Variants in MICU2 observed in about 807,000 individuals in gnomAD.
The protein encoded by MICU2 is calcium uptake protein 2, mitochondrial.
MICU2 carries 64 observed loss-of-function variants against 60.4 expected under a neutral mutation model. That is an observed-to-expected ratio of 1.06 (90% CI 0.87 to 1.31). The LOEUF (loss-of-function observed/expected upper bound fraction) is 1.31, where lower values mean the gene tolerates loss of function less well. Among genes scored for constraint, MICU2 ranks in the 50% most tolerant of loss-of-function variants. MICU2 has a pLI of 0.00. For synonymous variants in MICU2, 201 were observed against 175.0 expected (o/e 1.15, Z -1.17); for missense variants, 569 against 531.0 (o/e 1.07, Z -0.70).
At chr13:21,592,899 C>A (rs1019883322) in intron 1 of MICU2, among the ~76,000 whole-genome samples, 2 of 152,198 alleles carry the variant, frequency 1.3e-5, no homozygotes, top group African/African-American at 4.8e-5. Context: ...GACAAACCCA[C>A]AGCCAATATC....
chr13:21,603,810 C>T lies in MICU2; in HGVS notation c.210+129G>A, dbSNP rs897925870. 13 of 1,069,786 alleles carry T rather than the reference C, an allele frequency of 1.2e-5. No individual in the cohort carries two copies. In the Admixed American group the frequency reaches 1.6e-4, roughly 13 times the overall value. The allele number at this position is 1,069,786 out of a possible 1,614,324, so 66.3% of individuals were successfully genotyped here. A position where few individuals can be genotyped will look rare whatever the true frequency, so the allele number is the denominator to read the frequency against. ...AGCGAGTCCCACCAGTCGCAGGGCG[C>T]TCCGATCCGCAGCGGCACCTCCACC... On this transcript the variant is annotated intron_variant, in intron 1 of 11. Coordinates refer to ENST00000382374, the MANE Select transcript of MICU2 (RefSeq NM_152726.3).
At chr13:21,502,150 C>CT (rs869252511) in intron 9 of MICU2, among the ~76,000 whole-genome samples, 34 of 139,968 alleles carry the variant, frequency 2.4e-4, no homozygotes, top group African/African-American at 4.4e-4. Context: ...AAGTTTTCTT[C>CT]TTTTTTTTTG....
At position 21,509,698 on chromosome 13, in the gene MICU2, C is replaced by T. The variant is rs112987452; in HGVS notation, c.761+306G>A. Among the ~76,000 whole-genome samples, 1,381 of 152,296 alleles carry T rather than the reference C, an allele frequency of 9.1e-3. 20 individuals are homozygous for T. Among genetic ancestry groups the T allele is most frequent in the African/African-American group, 0.032 (1,328 of 41,572 alleles). ...TGTTTTAAGTTGGGTTGGTTTGTTT[C>T]GCCTAAAGAACAACTGACGCTAGGC... On this transcript the variant is annotated intron_variant, in intron 8 of 11. Transcript: ENST00000382374.
chr13:21,517,467 A>C (rs528326786), intron 6 of MICU2, among the ~76,000 whole-genome samples: 15 of 152,314 alleles, frequency 9.8e-5, no homozygotes, highest in Non-Finnish European at 1.8e-4. Context: ...TCTTTGAAGA[A>C]AATCTCAAAT....
intron 2 of MICU2, among the ~76,000 whole-genome samples, chr13:21,543,214 G>C (rs914812609): frequency 1.3e-5 from 2 of 152,118 alleles, no homozygotes; most frequent in Non-Finnish European, 2.9e-5. Flanking sequence ...AGTGGTAAAT[G>C]CTACAGCTAA....
intron 3 of MICU2, 23 bp from the exon 4 acceptor site, chr13:21,539,400 T>C (rs1194326646): frequency 2.5e-6 from 4 of 1,597,380 alleles, no homozygotes; most frequent in Non-Finnish European, 3.4e-6. Flanking sequence ...ATATTAAAAT[T>C]AAACTTCTAA....
At position 21,541,399 on chromosome 13, in the gene MICU2, T is replaced by C. The variant is rs185729508; in HGVS notation, c.359-1711A>G. ...ATACCACAATAAAGTCATGAATTGA[T>C]TGAATAATATAACACCAGAATTACA... On this transcript the variant is annotated intron_variant, in intron 2 of 11. Transcript: ENST00000382374. Among the ~76,000 whole-genome samples, 142 of 152,304 alleles carry C rather than the reference T, an allele frequency of 9.3e-4. 1 individual carries two copies. Among genetic ancestry groups the C allele is most frequent in the African/African-American group, 3.2e-3 (132 of 41,586 alleles).
chr13:21,503,584 G>A (rs542076226), intron 8 of MICU2, among the ~76,000 whole-genome samples: 9 of 152,240 alleles, frequency 5.9e-5, no homozygotes, highest in African/African-American at 1.7e-4. Context: ...GGCATCAAAA[G>A]CTTAGCTCTA....
At chr13:21,582,016 C>A (rs1278397162) in intron 1 of MICU2, among the ~76,000 whole-genome samples, 1 of 152,210 alleles carries the variant, frequency 6.6e-6, no homozygotes, top group Non-Finnish European at 1.5e-5. Context: ...GATGTGGCAA[C>A]AAAGCCACTG....
intron 1 of MICU2, among the ~76,000 whole-genome samples, chr13:21,591,623 G>C (rs1888586594): frequency 6.6e-6 from 1 of 152,068 alleles, no homozygotes; most frequent in Non-Finnish European, 1.5e-5. Context: ...TCACATAATT[G>C]GAAGTAAAAC....
Position 21,503,104 on chromosome 13 carries a change from G to A in MICU2, c.762-7C>T. On this transcript the variant is annotated splice_region_variant and splice_polypyrimidine_tract_variant and intron_variant, in intron 8 of 11. Transcript: ENST00000382374. ...TTGTAAATTTTCCATAAATCTGAAT[G>A]TTAAAATACAAAATTAGTAAGGTAA... 2 of 1,577,050 alleles carry A rather than the reference G, an allele frequency of 1.3e-6. No homozygotes were observed. The highest frequency in any genetic ancestry group is 1.7e-4 in the Middle Eastern group (1 of 5,926).
intron 11 of MICU2, among the ~76,000 whole-genome samples, chr13:21,494,651 A>G (rs913509596): frequency 3.3e-5 from 5 of 152,182 alleles, no homozygotes; most frequent in African/African-American, 7.2e-5. Flanking sequence ...GAATTTACAT[A>G]TATCTAATTA....
intron 2 of MICU2, among the ~76,000 whole-genome samples, chr13:21,558,581 G>T (rs1169526069): frequency 6.6e-6 from 1 of 152,090 alleles, no homozygotes; most frequent in Non-Finnish European, 1.5e-5. Context: ...GGTTTCTTTG[G>T]GAAGAGATAA....
chr13:21,514,290 C>A lies in MICU2; in HGVS notation c.663+63G>T, dbSNP rs1352169611. 13 of 1,373,810 alleles carry A rather than the reference C, an allele frequency of 9.5e-6. No individual in the cohort carries two copies. In the Admixed American group the frequency reaches 9.7e-5, roughly 10 times the overall value. The allele number at this position is 1,373,810 out of a possible 1,614,324, so 85.1% of individuals were successfully genotyped here. On this transcript the variant is annotated intron_variant, in intron 7 of 11. Coordinates refer to ENST00000382374, the MANE Select transcript of MICU2 (RefSeq NM_152726.3). ...ATCTATTGGTAACTATCGGGAATAT[C>A]TGAACAAACAAAATAGAGTAGCTAT...
In MICU2 at chr13:21,604,045, A is replaced by G. The variant is rs1327913396; in HGVS notation, c.104T>C (p.Leu35Ser). The G allele has an allele frequency of 1.2e-6, 2 of 1,606,392 alleles. No homozygotes were observed. Among genetic ancestry groups the G allele is most frequent in the Non-Finnish European group, 1.7e-6 (2 of 1,177,412 alleles). ...GGCCGCGCCGGCCACTGCCGCTGCC[A>G]AGGGGCCGGGACTCCGCACAGCCTG... ...SRQAVRSPGP[L>S]AAAVAGAALA... The change falls in exon 1 of 12, where the codon TTG becomes TCG. Residue 35 changes from leucine to serine, a missense_variant. Transcript: ENST00000382374.
chr13:21,497,052 ACT>A (rs1043965513), intron 9 of MICU2, among the ~76,000 whole-genome samples: 4 of 151,732 alleles, frequency 2.6e-5, no homozygotes, highest in Non-Finnish European at 4.4e-5. Flanking sequence ...ACAGAGCGAG[ACT>A]CTGTCTCAAA....
chr13:21,591,789 A>C (rs892148887), intron 1 of MICU2, among the ~76,000 whole-genome samples: 1 of 152,194 alleles, frequency 6.6e-6, no homozygotes, highest in African/African-American at 2.4e-5. Flanking sequence ...TAAATAAAGA[A>C]ATTAAGGGAG....
rs1226169844 is a variant in MICU2, at chr13:21,552,576, A to G, written c.359-12888T>C. Among the ~76,000 whole-genome samples the G allele has an allele frequency of 2.6e-5, 4 of 152,120 alleles. No individual in the cohort carries two copies. The South Asian group carries it at 8.3e-4, about 32-fold the overall frequency. ...TTATGGTTTTAGGTCTAACATGTAA[A>G]TCTTTAATTCATCTTGAATTAATTT... On this transcript the variant is annotated intron_variant, in intron 2 of 11. Coordinates refer to ENST00000382374, the MANE Select transcript of MICU2 (RefSeq NM_152726.3).
chr13:21,496,611 T>C (rs970275725), intron 9 of MICU2: 6 of 158,696 alleles, frequency 3.8e-5, no homozygotes, highest in African/African-American at 1.4e-4. Context: ...GAAATTCCGG[T>C]TCTGCCCTTT....
Sources: allele counts gnomAD v4.1 joint callset (sites outside exome capture counted in the v4.1 genomes callset), GRCh38; gene constraint gnomAD v4.1.1; transcripts MANE v1.5; gene names NCBI Gene and HGNC (gene_info 2026-07-23, HGNC 2026-07-21).